ALDOB: variants seen among roughly 807,000 people sequenced by gnomAD.
ALDOB encodes aldolase, fructose-bisphosphate B.
Under a neutral mutation model 41.0 loss-of-function variants are expected in ALDOB, and 39 were observed. The ratio of observed to expected loss-of-function variants is 0.95; its 90% CI spans 0.74 to 1.24. ALDOB has a LOEUF of 1.24. ALDOB is among the 50% of genes most tolerant of loss of function. The pLI, the probability that ALDOB is intolerant of heterozygous loss-of-function variation, is 0.00. For synonymous variants in ALDOB, 175 were observed against 168.8 expected, an observed-to-expected ratio of 1.04 and a Z score of -0.28; for missense variants, 530 against 457.3, an observed-to-expected ratio of 1.16 and a Z score of -1.45.
chr9:101,424,646 A>G (rs985038193), intron 8 of ALDOB, among the ~76,000 whole-genome samples, 197 bp downstream of exon 8: 1 of 152,102 alleles, frequency 6.6e-6, no homozygotes, highest in Non-Finnish European at 1.5e-5. Flanking sequence ...GTCATCAACT[A>G]TACTCTAGTG....
At chr9:101,429,514 T>A (rs1420563368) in intron 3 of ALDOB, among the ~76,000 whole-genome samples, 1 of 152,120 alleles carries the variant, frequency 6.6e-6, no homozygotes, top group African/African-American at 2.4e-5. Context: ...GATTCCCATT[T>A]TAAGAAATGA....
Position 101,421,305 on chromosome 9 carries a change from T to C in ALDOB, c.*504A>G, listed in dbSNP as rs530643699. ...ACTGTTGAAACCCAGTCATGTCTAG[T>C]AGAGTCAAAAGTAATGAAATACACT... On this transcript the variant is annotated 3_prime_UTR_variant, in exon 9 of 9. Coordinates refer to ENST00000647789, the MANE Select transcript of ALDOB (RefSeq NM_000035.4). The C allele has an allele frequency of 4.5e-6, 1 of 220,912 alleles. No individual in the cohort carries two copies. Among genetic ancestry groups the C allele is most frequent in the Admixed American group, 5.2e-5 (1 of 19,224 alleles). 13.7% of individuals were successfully genotyped at this position (220,912 alleles called of 1,614,324 possible). A position where few individuals can be genotyped will look rare whatever the true frequency, so the allele number is the denominator to read the frequency against.
chr9:101,425,461 G>A lies in ALDOB; in HGVS notation c.791C>T (p.Ala264Val), dbSNP rs759655888. 6 of 1,614,190 alleles carry A rather than the reference G, an allele frequency of 3.7e-6. No individual in the cohort carries two copies. The South Asian group carries it at 5.5e-5, about 15-fold the overall frequency. Reference sequence around the variant, plus strand: ...AAGAAAGAAGGCCTTACCAGGAACAGCTGCAGGAACAGTACGGTGGAGAGC... The same window carrying A: ...AAGAAAGAAGGCCTTACCAGGAACAACTGCAGGAACAGTACGGTGGAGAGC... ...VTALHRTVPA[A>V]VPGICFLSGG... Residue 264 changes from alanine to valine, a missense_variant, in exon 7 of 9, where the codon GCT becomes GTT. Transcript: ENST00000647789.
At position 101,433,034 on chromosome 9, in the gene ALDOB, G is replaced by A. The variant is rs548247630; in HGVS notation, c.-10-2137C>T. ...TCAGGCAAGTCAGGCAGCTTCCTGA[G>A]TCTCAGTTTACTATGGATTAAATGG... On this transcript the variant is annotated intron_variant, in intron 1 of 8. Transcript: ENST00000647789. Among the ~76,000 whole-genome samples, 6 of 152,312 alleles carry A rather than the reference G, an allele frequency of 3.9e-5. No individual in the cohort carries two copies. The South Asian group carries it at 1.2e-3, about 32-fold the overall frequency.
At chr9:101,426,498 G>C (rs1831130698) in intron 6 of ALDOB, 57 bp downstream of exon 6, 2 of 1,080,394 alleles carry the variant, frequency 1.9e-6, no homozygotes, top group Middle Eastern at 2.0e-4. Flanking sequence ...AGTAACAGCT[G>C]TTACCTAAAA....
In ALDOB at chr9:101,421,582, A is replaced by G; in HGVS notation, c.*227T>C. 3.4e-6 allele frequency: 2 copies of G among 592,360 alleles called. No individual in the cohort carries two copies. The highest frequency in any genetic ancestry group is 2.5e-5 in the Admixed American group (1 of 40,672). 36.7% of individuals were successfully genotyped at this position (592,360 alleles called of 1,614,324 possible). A position where few individuals can be genotyped will look rare whatever the true frequency, so the allele number is the denominator to read the frequency against. On this transcript the variant is annotated 3_prime_UTR_variant, in exon 9 of 9. Transcript: ENST00000647789. ...GGTATTCTGGAGCATGGGGAGCTGA[A>G]AGTGTTGCAAGGAAACTGCTGTGTG... is the stretch of plus-strand genomic sequence containing the variant.
At chr9:101,430,444 C>T (rs1306115634) in intron 2 of ALDOB, among the ~76,000 whole-genome samples, 3 of 152,214 alleles carry the variant, frequency 2.0e-5, no homozygotes, top group East Asian at 1.9e-4. Context: ...CTTGACTCAA[C>T]TGAATTTAAA....
chr9:101,430,831 A>C lies in ALDOB; in HGVS notation c.57T>G (p.Ile19Met). ...TQEQKKELSE[I>M]AQSIVANGKG... ...TTCCATTGGCAACAATGCTCTGGGC[A>C]ATTTCTGAGAGCTCCTTCTTCTGCT... The change falls in exon 2 of 9, where the codon ATT becomes ATG. Residue 19 changes from isoleucine (I) to methionine (M), a missense_variant. Transcript: ENST00000647789. The C allele has an allele frequency of 3.7e-6, 6 of 1,614,180 alleles. No homozygotes were observed. Among genetic ancestry groups the C allele is most frequent in the Non-Finnish European group, 5.1e-6 (6 of 1,180,032 alleles).
At position 101,426,633 on chromosome 9, in the gene ALDOB, T is replaced by C. The variant is rs763494555; in HGVS notation, c.546A>G (p.Gly182=). Residue 182 remains glycine, a synonymous_variant, in exon 6 of 9, where the codon GGA becomes GGG. Coordinates refer to ENST00000647789, the MANE Select transcript of ALDOB (RefSeq NM_000035.4). The part of the protein sequence containing the change: ...ARYASICQQN[G]LVPIVEPEVI... ...CCTCTGGTTCAACAATAGGTACCAG[T>C]CCATTCTAAAAAGGAAAATCAAGGA... is the stretch of plus-strand genomic sequence containing the variant. 17 of 1,606,420 alleles carry C rather than the reference T, an allele frequency of 1.1e-5. No homozygotes were observed. Among genetic ancestry groups the C allele is most frequent in the African/African-American group, 1.3e-5 (1 of 74,794 alleles).
chr9:101,427,571 C>G lies in ALDOB; in HGVS notation c.451G>C (p.Val151Leu), dbSNP rs768015441. 7 of 1,614,170 alleles carry G rather than the reference C, an allele frequency of 4.3e-6. No individual in the cohort carries two copies. In the East Asian group the frequency reaches 1.6e-4, roughly 36 times the overall value. The change falls in exon 5 of 9, where the codon GTG becomes CTG. Residue 151 changes from valine to leucine, a missense_variant. Transcript: ENST00000647789. Reference sequence around the variant, plus strand: ...GGACACTGGTCGGCAATCCTCAGCACAGCACGCCACTTCCCAAAGTCAACA... The same window carrying G: ...GGACACTGGTCGGCAATCCTCAGCAGAGCACGCCACTTCCCAAAGTCAACA... Reference protein sequence around the residue: ...DGVDFGKWRAVLRIADQCPSS... With the variant: ...DGVDFGKWRALLRIADQCPSS...
chr9:101,433,897 CA>C (rs1208914002), intron 1 of ALDOB, among the ~76,000 whole-genome samples: 1 of 151,896 alleles, frequency 6.6e-6, no homozygotes, highest in African/African-American at 2.4e-5. Flanking sequence ...AGACACCAAG[CA>C]GCTGAAACTA....
chr9:101,426,711 C>T, intron 5 of ALDOB, 73 bp from the exon 6 acceptor site: 3 of 918,166 alleles, frequency 3.3e-6, no homozygotes, highest in Non-Finnish European at 5.5e-6. Context: ...GGAGATTCAA[C>T]AGTTGCAATT....
intron 5 of ALDOB, among the ~76,000 whole-genome samples, chr9:101,427,034 G>A (rs142088967): frequency 3.3e-5 from 5 of 152,166 alleles, no homozygotes; most frequent in Non-Finnish European, 5.9e-5. Flanking sequence ...AACTTAACTC[G>A]GACCCAGAGA....
At position 101,424,136 on chromosome 9, in the gene ALDOB, G is replaced by A. The variant is rs181188551; in HGVS notation, c.999+707C>T. On this transcript the variant is annotated intron_variant, in intron 8 of 8. Transcript: ENST00000647789. Reference sequence around the variant, plus strand: ...ATTGGCCCTTTGAAATTGTTTACCCGGCTGGGTGTGGTGGCTCATGTCTGT... The same window carrying A: ...ATTGGCCCTTTGAAATTGTTTACCCAGCTGGGTGTGGTGGCTCATGTCTGT... Among the ~76,000 whole-genome samples the A allele has an allele frequency of 1.2e-4, 19 of 152,172 alleles. No homozygotes were observed. The East Asian group carries it at 1.5e-3, about 12-fold the overall frequency.
chr9:101,433,699 A>T (rs1394947211), intron 1 of ALDOB, among the ~76,000 whole-genome samples: 1 of 152,232 alleles, frequency 6.6e-6, no homozygotes, highest in East Asian at 1.9e-4. Flanking sequence ...AACAAAGAGT[A>T]ACAACTCTGG....
intron 5 of ALDOB, among the ~76,000 whole-genome samples, chr9:101,427,167 G>A (rs2118353077): frequency 6.6e-6 from 1 of 152,266 alleles, no homozygotes; most frequent in Non-Finnish European, 1.5e-5. Context: ...TGTCTTGGAT[G>A]TTACGGAGTA....
chr9:101,434,236 A>G (rs1326365220), intron 1 of ALDOB, among the ~76,000 whole-genome samples: 1 of 152,172 alleles, frequency 6.6e-6, no homozygotes, highest in African/African-American at 2.4e-5. Context: ...GTCACTTTAG[A>G]GATGAGGAAA....
intron 3 of ALDOB, 65 bp from the exon 4 acceptor site, chr9:101,428,588 A>C (rs1220188242): frequency 3.0e-6 from 4 of 1,334,304 alleles, no homozygotes; most frequent in Non-Finnish European, 3.2e-6. Context: ...TCTTGAACTA[A>C]CTAACAGTTT....
In ALDOB at chr9:101,427,837, A is replaced by T. The variant is rs7860401; in HGVS notation, c.380-195T>A. Among the ~76,000 whole-genome samples the T allele has an allele frequency of 3.1e-3, 472 of 152,280 alleles. 2 individuals carry two copies. The highest frequency in any genetic ancestry group is 0.011 in the African/African-American group (453 of 41,564). On this transcript the variant is annotated intron_variant, in intron 4 of 8. Transcript: ENST00000647789. ...TAGATTTAATAAATAGTGTTTTGACATACATACTATCTACTCCATATATAG... is the reference window on the plus strand; with the variant it reads ...TAGATTTAATAAATAGTGTTTTGACTTACATACTATCTACTCCATATATAG...
Sources: allele counts gnomAD v4.1 joint callset (sites outside exome capture counted in the v4.1 genomes callset), GRCh38; gene constraint gnomAD v4.1.1; transcripts MANE v1.5; gene names NCBI Gene and HGNC (gene_info 2026-07-23, HGNC 2026-07-21).